Variants in FBXL17 observed in about 807,000 individuals in gnomAD.
FBXL17 encodes F-box/LRR-repeat protein 17.
In FBXL17, 22 loss-of-function variants were observed where a neutral mutation model predicts 66.2. That is an observed-to-expected ratio of 0.33 (90% confidence interval 0.24 to 0.47). The LOEUF (loss-of-function observed/expected upper bound fraction) is 0.47, where lower values mean the gene tolerates loss of function less well. Among genes scored for constraint, FBXL17 ranks in the 20% least tolerant of loss-of-function variants. FBXL17 has a pLI of 1.00. For synonymous variants in FBXL17, 474 were observed against 400.5 expected (o/e 1.18, Z -2.19); for missense variants, 878 against 948.2 (o/e 0.93, Z 0.97).
intron 6 of FBXL17, among the ~76,000 whole-genome samples, chr5:108,088,571 C>T (rs1461690449): frequency 5.9e-5 from 9 of 151,746 alleles, no homozygotes; most frequent in African/African-American, 1.5e-4. Flanking sequence ...CATGGTGGCA[C>T]GCACCTGTAG....
At chr5:107,984,486 C>A (rs944600235) in intron 7 of FBXL17, among the ~76,000 whole-genome samples, 1 of 152,120 alleles carries the variant, frequency 6.6e-6, no homozygotes, top group Non-Finnish European at 1.5e-5. Flanking sequence ...AGCAAGCCAG[C>A]CACACAACTT....
intron 4 of FBXL17, among the ~76,000 whole-genome samples, chr5:108,305,864 A>T (rs1758813493): frequency 1.3e-5 from 2 of 152,260 alleles, no homozygotes; most frequent in South Asian, 4.1e-4. Flanking sequence ...TGAAAATAAC[A>T]GTTTCATAAA....
intron 6 of FBXL17, among the ~76,000 whole-genome samples, chr5:108,135,143 A>G (rs188653885): frequency 6.6e-6 from 1 of 151,984 alleles, no homozygotes; most frequent in East Asian, 1.9e-4. Flanking sequence ...GTACCAATGG[A>G]TATCATCTTA....
At chr5:108,220,533 T>C (rs1479772624) in intron 5 of FBXL17, among the ~76,000 whole-genome samples, 1 of 152,196 alleles carries the variant, frequency 6.6e-6, no homozygotes, top group Non-Finnish European at 1.5e-5. Context: ...AAGAGTAAAT[T>C]TGGCCCCTGT....
chr5:107,996,517 G>A (rs923123512), intron 7 of FBXL17, among the ~76,000 whole-genome samples: 10 of 152,140 alleles, frequency 6.6e-5, no homozygotes, highest in Admixed American at 5.2e-4. Flanking sequence ...GTTTTGCCAC[G>A]TTGGCCAGGC....
chr5:107,871,291 C>T (rs1172294193), intron 8 of FBXL17, among the ~76,000 whole-genome samples: 1 of 152,152 alleles, frequency 6.6e-6, no homozygotes, highest in Non-Finnish European at 1.5e-5. Context: ...TGCCTGTTAA[C>T]ACTAGCACTG....
rs372497115 is a variant in FBXL17, at chr5:107,998,465, G to A, written c.1822+22460C>T. Among the ~76,000 whole-genome samples, 9 of 152,130 alleles carry A rather than the reference G, an allele frequency of 5.9e-5. No individual in the cohort carries two copies. In the East Asian group the frequency reaches 1.5e-3, roughly 26 times the overall value. The stretch of plus-strand genomic sequence containing the variant: ...TGTGATATTAAACAGTAGGTATTTA[G>A]TATGTTACAGTGCTACCTGAAATAT... On this transcript the variant is annotated intron_variant, in intron 7 of 8. Transcript: ENST00000542267.
At chr5:108,335,098 C>A (rs887802588) in intron 4 of FBXL17, among the ~76,000 whole-genome samples, 1 of 151,968 alleles carries the variant, frequency 6.6e-6, no homozygotes. Flanking sequence ...ATTGATAGTA[C>A]TAGTTTTTAG....
chr5:107,962,344 A>G (rs1751947441), intron 7 of FBXL17, among the ~76,000 whole-genome samples: 1 of 152,180 alleles, frequency 6.6e-6, no homozygotes, highest in African/African-American at 2.4e-5. Flanking sequence ...ACATTTAGCA[A>G]TCTATGCTTT....
At chr5:108,323,284 A>T (rs1175065689) in intron 4 of FBXL17, among the ~76,000 whole-genome samples, 3 of 151,890 alleles carry the variant, frequency 2.0e-5, no homozygotes, top group Non-Finnish European at 4.4e-5. Flanking sequence ...AACATAAAAA[A>T]TCAGGTGCAT....
intron 6 of FBXL17, among the ~76,000 whole-genome samples, chr5:108,086,596 T>C (rs1055180192): frequency 1.3e-5 from 2 of 152,196 alleles, no homozygotes; most frequent in African/African-American, 2.4e-5. Flanking sequence ...TTTCACTCTG[T>C]TGCCCAGGCT....
chr5:108,319,876 G>A (rs1441202335), intron 4 of FBXL17, among the ~76,000 whole-genome samples: 1 of 151,742 alleles, frequency 6.6e-6, no homozygotes, highest in Non-Finnish European at 1.5e-5. Flanking sequence ...TATTTGAGAA[G>A]TGTGCAGTGA....
intron 7 of FBXL17, among the ~76,000 whole-genome samples, chr5:107,899,648 T>C (rs544252378): frequency 6.6e-6 from 1 of 152,280 alleles, no homozygotes; most frequent in African/African-American, 2.4e-5. Context: ...GGGAAGTTGG[T>C]GCCCCTACAC....
intron 4 of FBXL17, among the ~76,000 whole-genome samples, chr5:108,252,075 G>C (rs1756378947): frequency 6.6e-6 from 1 of 152,046 alleles, no homozygotes; most frequent in Admixed American, 6.6e-5. Context: ...CTTAGAAGTG[G>C]AATTGCTGAG....
chr5:108,133,116 T>C (rs1316106329), intron 6 of FBXL17, among the ~76,000 whole-genome samples: 2 of 152,172 alleles, frequency 1.3e-5, no homozygotes, highest in Non-Finnish European at 1.5e-5. Flanking sequence ...AGTAAAACTA[T>C]ACAAGCACTA....
Position 107,963,349 on chromosome 5 carries a change from C to CTG in FBXL17, c.1822+57574_1822+57575dup, listed in dbSNP as rs141211295. On this transcript the variant is annotated intron_variant, in intron 7 of 8. Transcript: ENST00000542267. ...GGGAAATGAGAAATTAAACAAAACTCTGTGTGTGTGTATGTGTATATTATA... is the reference window on the plus strand; with the variant it reads ...GGGAAATGAGAAATTAAACAAAACTCTGTGTGTGTGTGTATGTGTATATTATA... Among the ~76,000 whole-genome samples, 1,332 of 152,040 alleles carry CTG rather than the reference C, an allele frequency of 8.8e-3. 11 individuals carry two copies. Among genetic ancestry groups the CTG allele is most frequent in the Middle Eastern group, 0.017 (5 of 294 alleles).
At chr5:108,057,118 T>A (rs989677528) in intron 6 of FBXL17, among the ~76,000 whole-genome samples, 1 of 152,216 alleles carries the variant, frequency 6.6e-6, no homozygotes, top group South Asian at 2.1e-4. Flanking sequence ...AGAGGTTAAC[T>A]ATTTAAATGA....
intron 6 of FBXL17, among the ~76,000 whole-genome samples, chr5:108,133,575 A>T (rs1751017547): frequency 3.9e-5 from 6 of 152,134 alleles, no homozygotes; most frequent in Admixed American, 3.9e-4. Context: ...AGTGCCTACC[A>T]TGATGACAGG....
At chr5:108,195,139 T>C (rs911146546) in intron 5 of FBXL17, among the ~76,000 whole-genome samples, 3 of 152,070 alleles carry the variant, frequency 2.0e-5, no homozygotes, top group Non-Finnish European at 4.4e-5. Flanking sequence ...AATGGTTATA[T>C]TCCTAGCTAG....
Sources: allele counts gnomAD v4.1 joint callset (sites outside exome capture counted in the v4.1 genomes callset), GRCh38; gene constraint gnomAD v4.1.1; transcripts MANE v1.5; gene names NCBI Gene and HGNC (gene_info 2026-07-23, HGNC 2026-07-21).